Variants in MYO7B observed in about 807,000 individuals in gnomAD.
MYO7B encodes myosin VIIB.
Under a neutral mutation model 259.7 loss-of-function variants are expected in MYO7B, and 212 were observed. The ratio of observed to expected loss-of-function variants is 0.82; its 90% confidence interval spans 0.73 to 0.91. MYO7B has a LOEUF of 0.91. MYO7B is among the 40% of genes least tolerant of loss of function. The pLI is 0.00. For synonymous variants in MYO7B, 1,197 were observed against 1,166.4 expected (o/e 1.03, Z -0.54); for missense variants, 2,732 against 2,813.5 (o/e 0.97, Z 0.66).
chr2:127,629,658 C>T lies in MYO7B; in HGVS notation c.4638C>T (p.Leu1546=). The change falls in exon 35 of 48, where the codon CTC becomes CTT. Residue 1546 remains leucine (L), a synonymous_variant. Transcript: ENST00000409816. ...CTGCCCTTACAGATGACACCACCCT[C>T]CTGGCCTTCAAGAAGGGGGACCTGT... ...QDRKATDDTT[L]LAFKKGDLLV... is the part of the protein sequence containing the mutation. 1.2e-6 allele frequency: 2 copies of T among 1,612,264 alleles called. No homozygotes were observed. The highest frequency in any genetic ancestry group is 1.7e-6 in the Non-Finnish European group (2 of 1,179,476).
In MYO7B at chr2:127,584,230, G is replaced by T. The variant is rs1679216781; in HGVS notation, c.1452G>T (p.Trp484Cys). The T allele has an allele frequency of 6.2e-7, 1 of 1,613,842 alleles. No individual in the cohort carries two copies. The highest frequency in any genetic ancestry group is 8.5e-7 in the Non-Finnish European group (1 of 1,179,890). The change falls in exon 13 of 48, where the codon TGG (tryptophan) becomes TGT (cysteine). Residue 484 changes from tryptophan (W) to cysteine (C), a missense_variant. Physicochemically the swap from Trp to Cys is radical, Grantham distance 215. Coordinates refer to ENST00000409816, the MANE Select transcript of MYO7B (RefSeq NM_001393586.1). The surrounding 1 kb of genome is among the most constrained non-coding windows in gnomAD (Gnocchi z 5.8). ...QEEYRSENIS[W>C]DYIHYTDNRP... Reference sequence around the variant, plus strand: ...AGTACCGCTCGGAGAACATCTCCTGGGACTATATCCACTACACCGACAATC... The same window carrying T: ...AGTACCGCTCGGAGAACATCTCCTGTGACTATATCCACTACACCGACAATC...
chr2:127,549,170 TTCTTTCTTTCTTTCTC>T (rs1032282209), intron 1 of MYO7B, among the ~76,000 whole-genome samples: 5 of 137,988 alleles, frequency 3.6e-5, no homozygotes, highest in East Asian at 4.2e-4. Flanking sequence ...CTTCCTTTCT[TTCTTTCTTTCTTTCTC>T]TCTTTCTTTC....
chr2:127,540,444 G>A (rs1015423651), intron 1 of MYO7B, among the ~76,000 whole-genome samples: 2 of 152,348 alleles, frequency 1.3e-5, no homozygotes, highest in South Asian at 2.1e-4. Flanking sequence ...GATTACAGGC[G>A]TGAGCCACCG....
chr2:127,636,506 C>A lies in MYO7B; in HGVS notation c.6124-39C>A. On this transcript the variant is annotated intron_variant, in intron 45 of 47. Coordinates refer to ENST00000409816, the MANE Select transcript of MYO7B (RefSeq NM_001393586.1). The surrounding 1 kb of genome is among the most constrained non-coding windows in gnomAD (Gnocchi z 4.5). ...GCTCCTGGGAGGTGCAGCCTGGCCT[C>A]CCGGGCTGGACTATGACCGCCGTGT... The A allele has an allele frequency of 6.3e-7, 1 of 1,581,314 alleles. No individual in the cohort carries two copies. The highest frequency in any genetic ancestry group is 1.3e-5 in the African/African-American group (1 of 74,086).
intron 30 of MYO7B, among the ~76,000 whole-genome samples, chr2:127,624,948 G>T (rs1242657014): frequency 6.6e-6 from 1 of 152,214 alleles, no homozygotes; most frequent in Non-Finnish European, 1.5e-5. Context: ...GGTGGCAGGG[G>T]ACCAGGCTCC....
chr2:127,544,575 A>ATTTT (rs35578661), intron 1 of MYO7B, among the ~76,000 whole-genome samples: 28 of 103,156 alleles, frequency 2.7e-4, no homozygotes, highest in East Asian at 5.6e-4. Flanking sequence ...CGTCTGGCTA[A>ATTTT]TTTTTTTTTT....
chr2:127,618,201 G>A (rs1260707021), intron 26 of MYO7B, among the ~76,000 whole-genome samples: 6 of 152,134 alleles, frequency 3.9e-5, no homozygotes, highest in African/African-American at 9.7e-5. Flanking sequence ...ACTTGAGATC[G>A]TCATTACGGG....
At position 127,627,361 on chromosome 2, in the gene MYO7B, CAT is replaced by C; in HGVS notation, c.4460+52_4460+53del. 1 of 1,566,226 alleles carries C rather than the reference CAT, an allele frequency of 6.4e-7. No homozygotes were observed. The highest frequency in any genetic ancestry group is 8.7e-7 in the Non-Finnish European group (1 of 1,144,938). ...TCTTACACACTGAGTCCTTGTGATG[CAT>C]CTGGGGGCTCGGGGAGAGATGGGGA... On this transcript the variant is annotated intron_variant, in intron 33 of 47. Coordinates refer to ENST00000409816, the MANE Select transcript of MYO7B (RefSeq NM_001393586.1). The surrounding 1 kb of genome is among the most constrained non-coding windows in gnomAD (Gnocchi z 5.6).
intron 2 of MYO7B, among the ~76,000 whole-genome samples, chr2:127,563,094 C>G (rs1383478152): frequency 6.6e-6 from 1 of 152,118 alleles, no homozygotes; most frequent in Non-Finnish European, 1.5e-5. Flanking sequence ...CAACTCATGT[C>G]TCATCCTTTT....
chr2:127,577,892 A>C lies in MYO7B; in HGVS notation c.850-241A>C, dbSNP rs576331995. On this transcript the variant is annotated intron_variant, in intron 8 of 47. Coordinates refer to ENST00000409816, the MANE Select transcript of MYO7B (RefSeq NM_001393586.1). This position sits in a 1 kb window ranked among gnomAD's most constrained non-coding sequence, Gnocchi z 5.2. ...AGTAGGGACGAACGACAAATAGAGG[A>C]TCAGAGAAGAAGTGTGACTTGGCCA... Among the ~76,000 whole-genome samples the C allele has an allele frequency of 6.6e-6, 1 of 152,126 alleles. No homozygotes were observed. Among genetic ancestry groups the C allele is most frequent in the East Asian group, 1.9e-4 (1 of 5,190 alleles).
rs774668267 is a variant in MYO7B at position 127,630,882 on chromosome 2, G to A, written c.4911G>A (p.Leu1637=). 6.3e-7 allele frequency: 1 copy of A among 1,599,676 alleles called. No homozygotes were observed. The highest frequency in any genetic ancestry group is 1.1e-5 in the South Asian group (1 of 89,168). ...EEPPKEKLHT[L]EEFSYEFFRA... ...CACCCAAGGAAAAGCTGCACACCCTGGAGGAGTTCTCCTATGAGTTCTTCA... is the reference window on the plus strand; with the variant it reads ...CACCCAAGGAAAAGCTGCACACCCTAGAGGAGTTCTCCTATGAGTTCTTCA... Residue 1637 remains leucine (L), a synonymous_variant, in exon 36 of 48, where the codon CTG becomes CTA. Coordinates refer to ENST00000409816, the MANE Select transcript of MYO7B (RefSeq NM_001393586.1).
chr2:127,631,099 T>A (rs879090533), intron 36 of MYO7B, 107 bp from the exon 37 acceptor site: 1 of 1,422,852 alleles, frequency 7.0e-7, no homozygotes. Flanking sequence ...TGCGGCAGGG[T>A]GGGGTGCTCT....
intron 2 of MYO7B, among the ~76,000 whole-genome samples, chr2:127,561,982 G>C (rs1047188629): frequency 2.0e-5 from 3 of 151,918 alleles, no homozygotes; most frequent in Non-Finnish European, 4.4e-5. Context: ...TTCTGTGCTT[G>C]GGGGTGAGGA....
chr2:127,584,038 CTGG>C lies in MYO7B; in HGVS notation c.1344-81_1344-79del. The C allele has an allele frequency of 7.7e-7, 1 of 1,294,014 alleles. No individual in the cohort carries two copies. The highest frequency in any genetic ancestry group is 1.1e-6 in the Non-Finnish European group (1 of 919,572). 80.2% of individuals were successfully genotyped at this position (1,294,014 alleles called of 1,614,324 possible). The stretch of plus-strand genomic sequence containing the variant: ...TCTGTATGCAGCTGTTTGCAGATGG[CTGG>C]TGATCCTATGGCTCCAGCCTGCTGC... On this transcript the variant is annotated intron_variant, in intron 12 of 47. Transcript: ENST00000409816. This position sits in a 1 kb window ranked among gnomAD's most constrained non-coding sequence, Gnocchi z 5.8.
chr2:127,568,233 G>A (rs890542158), intron 5 of MYO7B, among the ~76,000 whole-genome samples: 9 of 152,226 alleles, frequency 5.9e-5, no homozygotes, highest in African/African-American at 2.2e-4. Context: ...CCTCAGCAGA[G>A]CTGGGCCGCA....
In MYO7B at chr2:127,580,768, C is replaced by A. The variant is rs61738426; in HGVS notation, c.1026C>A (p.Asp342Glu). 7 of 1,613,462 alleles carry A rather than the reference C, an allele frequency of 4.3e-6. No homozygotes were observed. The South Asian group carries it at 7.7e-5, about 18-fold the overall frequency. ...TAGCTTCGGTCTTCGAGAACCTGGACGCCTCAGACGTGATGGAGACGCCCG... is the reference window on the plus strand; with the variant it reads ...TAGCTTCGGTCTTCGAGAACCTGGAAGCCTCAGACGTGATGGAGACGCCCG... ...GFMASVFENL[D>E]ASDVMETPAF... The change falls in exon 10 of 48, where the codon GAC (aspartate) becomes GAA (glutamate). Residue 342 changes from aspartate (D) to glutamate (E), a missense_variant. By Grantham distance (45) the Asp-to-Glu change is conservative (BLOSUM62 2). Around this residue, in one of 3 missense-constraint regions of MYO7B, gnomAD observed 1,906 missense variants for 2,026.4 expected, o/e 0.94. Coordinates refer to ENST00000409816, the MANE Select transcript of MYO7B (RefSeq NM_001393586.1).
intron 5 of MYO7B, among the ~76,000 whole-genome samples, chr2:127,569,497 T>C (rs1573633608): frequency 6.6e-6 from 1 of 152,202 alleles, no homozygotes; most frequent in East Asian, 1.9e-4. Context: ...CACTCAGTCT[T>C]CTGTACGTCC....
At chr2:127,573,173 T>C (rs898331067) in intron 6 of MYO7B, among the ~76,000 whole-genome samples, 3 of 152,228 alleles carry the variant, frequency 2.0e-5, no homozygotes, top group Non-Finnish European at 2.9e-5. Flanking sequence ...GATGCTGGTA[T>C]TCTGAAACTG....
chr2:127,596,713 A>G (rs573893082), intron 19 of MYO7B, among the ~76,000 whole-genome samples, 157 bp downstream of exon 19: 4 of 152,324 alleles, frequency 2.6e-5, no homozygotes, highest in South Asian at 2.1e-4. Flanking sequence ...ACTGCAGCCT[A>G]TGTTGGCCAG....
Sources: gnomAD v4.1 joint callset for allele counts (sites outside exome capture counted in the v4.1 genomes callset) on GRCh38, gnomAD v4.1.1 for gene constraint, gnomAD v4.1.1 regional missense constraint, Gnocchi (gnomAD v3.1) non-coding constraint, MANE v1.5 for transcripts, NCBI Gene and HGNC (gene_info 2026-07-23, HGNC 2026-07-21) for gene names.